XKR9: variants seen among roughly 807,000 people sequenced by gnomAD.
The protein encoded by XKR9 is XK-related protein 9.
A neutral mutation model predicts 32.0 loss-of-function variants in XKR9; 32 were observed. That is an observed-to-expected ratio of 1.00 (90% CI 0.76 to 1.34). The LOEUF (loss-of-function observed/expected upper bound fraction) is 1.34. XKR9 is among the 40% of genes most tolerant of loss of function. The pLI is 0.00. For missense variants in XKR9, 546 were observed against 429.7 expected (o/e 1.27, Z -2.39); for synonymous variants, 168 against 143.4 (o/e 1.17, Z -1.22).
chr8:71,033,697 G>T, the XKR9 span, among the ~76,000 whole-genome samples: 1 of 152,078 alleles, frequency 6.6e-6, no homozygotes, highest in African/African-American at 2.4e-5. Context: ...GACTTCATCA[G>T]TTTCTCTCTC....
the XKR9 span, among the ~76,000 whole-genome samples, chr8:70,867,666 G>A: frequency 3.9e-5 from 6 of 152,150 alleles, no homozygotes; most frequent in South Asian, 2.1e-4. Flanking sequence ...TGGCCAGGCC[G>A]GTCTCAAATT....
At chr8:70,970,266 G>T in the XKR9 span, among the ~76,000 whole-genome samples, 1 of 152,140 alleles carries the variant, frequency 6.6e-6, no homozygotes, top group Non-Finnish European at 1.5e-5. Flanking sequence ...CTCGTAGTGG[G>T]ATTGCTGGAT....
chr8:70,867,416 T>C, the XKR9 span, among the ~76,000 whole-genome samples: 5 of 152,128 alleles, frequency 3.3e-5, no homozygotes, highest in African/African-American at 9.7e-5. Flanking sequence ...TCAAAACCAA[T>C]TGTGCTTCCC....
At chr8:71,010,232 T>C in the XKR9 span, among the ~76,000 whole-genome samples, 1 of 152,220 alleles carries the variant, frequency 6.6e-6, no homozygotes, top group African/African-American at 2.4e-5. Context: ...ATCACTTTGA[T>C]ACCTAGCCTT....
At chr8:71,028,231 A>T in the XKR9 span, among the ~76,000 whole-genome samples, 1 of 152,080 alleles carries the variant, frequency 6.6e-6, no homozygotes, top group African/African-American at 2.4e-5. Context: ...GTTTTCTTCA[A>T]TTTCTTTAAT....
At chr8:70,776,657 G>T (rs888704547) in intron 2 of XKR9, among the ~76,000 whole-genome samples, 1 of 151,992 alleles carries the variant, frequency 6.6e-6, no homozygotes, top group Non-Finnish European at 1.5e-5. Flanking sequence ...GGTTCTCCTT[G>T]TAGGCTGGAG....
the XKR9 span, among the ~76,000 whole-genome samples, chr8:70,953,108 C>G: frequency 6.6e-6 from 1 of 152,172 alleles, no homozygotes; most frequent in Non-Finnish European, 1.5e-5. Flanking sequence ...GTGAGAAGTA[C>G]TGCAGCAAAC....
At chr8:70,990,160 C>G in the XKR9 span, among the ~76,000 whole-genome samples, 3 of 152,178 alleles carry the variant, frequency 2.0e-5, no homozygotes, top group Non-Finnish European at 4.4e-5. Flanking sequence ...CCTAGTTTCT[C>G]TCATGAAGTT....
At chr8:70,902,645 C>A in the XKR9 span, among the ~76,000 whole-genome samples, 1 of 152,236 alleles carries the variant, frequency 6.6e-6, no homozygotes, top group African/African-American at 2.4e-5. Flanking sequence ...TGCCTGATTG[C>A]CCTGGCCAGA....
chr8:70,901,940 G>T, the XKR9 span, among the ~76,000 whole-genome samples: 1 of 152,074 alleles, frequency 6.6e-6, no homozygotes, highest in Non-Finnish European at 1.5e-5. Flanking sequence ...GCTTGTTTTT[G>T]TCAGGTTTGT....
At chr8:70,725,990 A>G (rs1056226325) in intron 4 of XKR9, among the ~76,000 whole-genome samples, 12 of 152,186 alleles carry the variant, frequency 7.9e-5, no homozygotes, top group African/African-American at 2.9e-4. Context: ...TGGATTTTAC[A>G]TTTTCTTTCT....
chr8:70,883,141 C>T, the XKR9 span, among the ~76,000 whole-genome samples: 1 of 151,578 alleles, frequency 6.6e-6, no homozygotes, highest in Non-Finnish European at 1.5e-5. Flanking sequence ...CCAACCTCCC[C>T]CAACAATTCC....
At chr8:70,936,318 T>C in the XKR9 span, among the ~76,000 whole-genome samples, 1 of 152,080 alleles carries the variant, frequency 6.6e-6, no homozygotes, top group South Asian at 2.1e-4. Context: ...CAAGTTTACT[T>C]CATTCAATTA....
chr8:70,818,443 C>T, the XKR9 span, among the ~76,000 whole-genome samples: 1 of 152,072 alleles, frequency 6.6e-6, no homozygotes, highest in Non-Finnish European at 1.5e-5. Context: ...AGATTCTAAA[C>T]TTCATGATTG....
the XKR9 span, among the ~76,000 whole-genome samples, chr8:71,042,697 AATGTTT>A: frequency 6.6e-6 from 1 of 152,130 alleles, no homozygotes; most frequent in South Asian, 2.1e-4. Flanking sequence ...GGATGTTTTA[AATGTTT>A]ATGTTTAACA....
chr8:70,763,203 T>A (rs1035228083), intron 2 of XKR9, among the ~76,000 whole-genome samples: 30 of 152,234 alleles, frequency 2.0e-4, no homozygotes, highest in African/African-American at 7.0e-4. Context: ...GCCTAGAATT[T>A]GAGTCAGAGC....
chr8:70,701,230 T>A (rs1049118074), intron 3 of XKR9, among the ~76,000 whole-genome samples: 1 of 152,200 alleles, frequency 6.6e-6, no homozygotes, highest in Admixed American at 6.5e-5. Context: ...CCTAGTGAGA[T>A]GAACACGGTA....
rs143922893 is a variant in XKR9 at position 70,729,585 on chromosome 8, A to C, written c.494-4211A>C. Among the ~76,000 whole-genome samples, 14 of 152,286 alleles carry C rather than the reference A, an allele frequency of 9.2e-5. No homozygotes were observed. In the East Asian group the frequency reaches 2.7e-3, roughly 29 times the overall value. On this transcript the variant is annotated intron_variant, in intron 4 of 4. Transcript: ENST00000408926. ...TAGCTGATTAGGAAACCACCATTTAAAGAGGATCAAAATAAGGCAACAATT... is the reference window on the plus strand; with the variant it reads ...TAGCTGATTAGGAAACCACCATTTACAGAGGATCAAAATAAGGCAACAATT...
At chr8:70,852,553 G>A in the XKR9 span, among the ~76,000 whole-genome samples, 1 of 152,172 alleles carries the variant, frequency 6.6e-6, no homozygotes, top group Non-Finnish European at 1.5e-5. Context: ...GCACATGTGT[G>A]TTTATTGCAG....
Sources: gnomAD v4.1 joint callset for allele counts (sites outside exome capture counted in the v4.1 genomes callset) on GRCh38, gnomAD v4.1.1 for gene constraint, MANE v1.5 for transcripts, NCBI Gene and HGNC (gene_info 2026-07-23, HGNC 2026-07-21) for gene names.